Variants in ZBTB46 observed in about 807,000 individuals in gnomAD.
ZBTB46 encodes the protein zinc finger and BTB domain-containing protein 46.
ZBTB46 carries 8 observed loss-of-function variants against 44.1 expected under a neutral mutation model. That is an observed-to-expected ratio of 0.18 (90% CI 0.11 to 0.33). ZBTB46 has a LOEUF of 0.33. Among genes scored for constraint, ZBTB46 ranks in the 10% least tolerant of loss-of-function variants. The probability of loss-of-function intolerance (pLI) is 1.00; values close to 1 mark genes in which losing one functional copy is unlikely to be tolerated. For missense variants in ZBTB46, 651 were observed against 847.7 expected (o/e 0.77, Z 2.88); for synonymous variants, 409 against 382.3 (o/e 1.07, Z -0.81).
rs757028105 is a variant in ZBTB46, at chr20:63,746,938, G to A, written c.1762C>T (p.Leu588Phe). 124 of 1,552,192 alleles carry A rather than the reference G, an allele frequency of 8.0e-5. No individual in the cohort carries two copies. Among genetic ancestry groups the A allele is most frequent in the Admixed American group, 3.6e-4 (19 of 53,042 alleles). Residue 588 changes from leucine to phenylalanine, a missense_variant, in exon 5 of 5, where the codon CTC becomes TTC. Leu to Phe is a conservative substitution (Grantham distance 22, BLOSUM62 0). Coordinates refer to ENST00000245663, the MANE Select transcript of ZBTB46 (RefSeq NM_001369741.1). ...PGGPDKDFAW[L>F]S ...CCTGCCGGCGGGCGGGCCTAGGAGA[G>A]CCAGGCGAAGTCCTTGTCAGGGCCT...
Position 63,767,915 on chromosome 20 carries a change from T to C in ZBTB46, c.1222+7763A>G. On this transcript the variant is annotated intron_variant, in intron 3 of 4. Coordinates refer to ENST00000245663, the MANE Select transcript of ZBTB46 (RefSeq NM_001369741.1). The surrounding 1 kb of genome is among the most constrained non-coding windows in gnomAD (Gnocchi z 5.0). ...CAGGCCCTGCAGAAACCCACCCTCA[T>C]GCCAGCGGGAGCCAACTCTGGAAGA... 2.0e-6 allele frequency: 2 copies of C among 985,450 alleles called. No homozygotes were observed. Among genetic ancestry groups the C allele is most frequent in the Non-Finnish European group, 2.4e-6 (2 of 829,932 alleles). The allele number at this position is 985,450 out of a possible 1,614,324, so 61.0% of individuals were successfully genotyped here. A position where few individuals can be genotyped will look rare whatever the true frequency, so the allele number is the denominator to read the frequency against.
In ZBTB46 at chr20:63,755,200, G is replaced by T. The variant is rs6011082; in HGVS notation, c.1223-2339C>A. Among the ~76,000 whole-genome samples, 852 of 152,306 alleles carry T rather than the reference G, an allele frequency of 5.6e-3. 10 individuals are homozygous for T. The highest frequency in any genetic ancestry group is 0.019 in the African/African-American group (797 of 41,564). ...CTGAAGCTGCCTGCGATGCACTTCG[G>T]CTTCTTCTTAATGCTCTGTTTTCCG... On this transcript the variant is annotated intron_variant, in intron 3 of 4. Transcript: ENST00000245663.
intron 1 of ZBTB46, among the ~76,000 whole-genome samples, chr20:63,797,431 T>C (rs2092612256): frequency 6.6e-6 from 1 of 152,186 alleles, no homozygotes; most frequent in Non-Finnish European, 1.5e-5. Context: ...GTTCCAAGTC[T>C]TTACTATCGT....
intron 2 of ZBTB46, among the ~76,000 whole-genome samples, chr20:63,780,622 G>C (rs968445723): frequency 6.6e-6 from 1 of 152,086 alleles, no homozygotes; most frequent in Middle Eastern, 3.4e-3. Context: ...CTAACATGGT[G>C]AAACCCCGTC....
intron 1 of ZBTB46, among the ~76,000 whole-genome samples, chr20:63,828,303 T>A (rs1416278530): frequency 6.6e-6 from 1 of 152,222 alleles, no homozygotes; most frequent in East Asian, 1.9e-4. Context: ...AGTTCACAGC[T>A]ACGCCGCAGC....
chr20:63,790,072 T>C lies in ZBTB46; in HGVS notation c.686A>G (p.Lys229Arg), dbSNP rs1435640442. Residue 229 changes from lysine to arginine, a missense_variant, in exon 2 of 5, where the codon AAG becomes AGG. Transcript: ENST00000245663. ...CTGAGACGGTGAAACCTGCTCTTCC[T>C]TGATGCGCAGAGGCCCGTAGCCCAC... The part of the protein sequence containing the change: ...GDVGYGPLRI[K>R]EEQVSPSQYG... The C allele has an allele frequency of 2.5e-6, 4 of 1,613,934 alleles. No individual in the cohort carries two copies. The highest frequency in any genetic ancestry group is 3.3e-5 in the Admixed American group (2 of 60,002).
At chr20:63,760,475 T>C (rs955383776) in intron 3 of ZBTB46, among the ~76,000 whole-genome samples, 4 of 152,170 alleles carry the variant, frequency 2.6e-5, no homozygotes, top group Non-Finnish European at 5.9e-5. Flanking sequence ...GTTTTTGTTT[T>C]TTTTTTTTGA....
chr20:63,775,039 C>G (rs991606344), intron 3 of ZBTB46, among the ~76,000 whole-genome samples: 5 of 152,154 alleles, frequency 3.3e-5, no homozygotes, highest in Non-Finnish European at 7.4e-5. Context: ...TGAATGCCCC[C>G]GTCTTGTCAG....
Position 63,782,096 on chromosome 20 carries a change from A to AAGAAAAGAAAAG in ZBTB46, c.938-6135_938-6134insCTTTTCTTTTCT, listed in dbSNP as rs1555845695. On this transcript the variant is annotated intron_variant, in intron 2 of 4. Coordinates refer to ENST00000245663, the MANE Select transcript of ZBTB46 (RefSeq NM_001369741.1). ...AGCAAGACTCCGTCTCAAAAAAAAAAAAAAGAAAAGAGGCGTGGCGATTTT... is the reference window on the plus strand; with the variant it reads ...AGCAAGACTCCGTCTCAAAAAAAAAAAGAAAAGAAAAGAAAAGAAAAGAGGCGTGGCGATTTT... Among the ~76,000 whole-genome samples, 15 of 124,924 alleles carry AAGAAAAGAAAAG rather than the reference A, an allele frequency of 1.2e-4. 1 individual carries two copies. Among genetic ancestry groups the AAGAAAAGAAAAG allele is most frequent in the African/African-American group, 4.4e-4 (15 of 34,244 alleles). 82.0% of individuals were successfully genotyped at this position (124,924 alleles called of 152,430 possible). A position where few individuals can be genotyped will look rare whatever the true frequency, so the allele number is the denominator to read the frequency against.
intron 2 of ZBTB46, among the ~76,000 whole-genome samples, chr20:63,786,358 G>A (rs1365565168): frequency 6.6e-6 from 1 of 152,160 alleles, no homozygotes; most frequent in Non-Finnish European, 1.5e-5. Flanking sequence ...ACCAACGGGG[G>A]ATCCAAAGGC....
intron 1 of ZBTB46, among the ~76,000 whole-genome samples, chr20:63,830,151 C>G (rs1394446982): frequency 6.6e-6 from 1 of 152,198 alleles, no homozygotes; most frequent in Non-Finnish European, 1.5e-5. Context: ...TGGTCTGTAC[C>G]CTGGCTCCTC....
In ZBTB46 at chr20:63,743,687, A is replaced by C. The variant is rs2092058333; in HGVS notation, c.*3243T>G. The C allele has an allele frequency of 6.6e-6, 1 of 152,370 alleles. No homozygotes were observed. The highest frequency in any genetic ancestry group is 6.5e-5 in the Admixed American group (1 of 15,284). 9.4% of individuals were successfully genotyped at this position (152,370 alleles called of 1,614,324 possible). ...GCATCTGCTGGAGCAGCAATTTCCC[A>C]ATTTATTGAAAGTGATCGCTTTGCA... is the stretch of plus-strand genomic sequence containing the variant. On this transcript the variant is annotated 3_prime_UTR_variant, in exon 5 of 5. Coordinates refer to ENST00000245663, the MANE Select transcript of ZBTB46 (RefSeq NM_001369741.1).
intron 3 of ZBTB46, among the ~76,000 whole-genome samples, chr20:63,761,602 T>C (rs2092277993): frequency 1.3e-5 from 2 of 151,944 alleles, no homozygotes; most frequent in South Asian, 2.1e-4. Context: ...GCCAATATAG[T>C]GGAACTCTGT....
chr20:63,753,420 C>T (rs1326806235), intron 3 of ZBTB46, among the ~76,000 whole-genome samples: 2 of 152,248 alleles, frequency 1.3e-5, no homozygotes, highest in Admixed American at 1.3e-4. Flanking sequence ...AAGTTCTTTT[C>T]CCCCAACCCT....
upstream of ZBTB46, among the ~76,000 whole-genome samples, chr20:63,832,432 C>T (rs2092856825): frequency 6.6e-6 from 1 of 152,202 alleles, no homozygotes. The surrounding 1 kb of genome is among the most constrained non-coding windows in gnomAD (Gnocchi z 5.0). Context: ...TGCCTCCCTG[C>T]GGGCCCAGCG....
At chr20:63,816,401 C>G (rs1601533520) in intron 1 of ZBTB46, 1 of 167,154 alleles carries the variant, frequency 6.0e-6, no homozygotes, top group Non-Finnish European at 1.3e-5. Flanking sequence ...CTGCATAACC[C>G]AGCAAAGCAA....
chr20:63,765,061 GTATGTGCATGTGTGCGTGTGCA>G (rs1568841807), intron 3 of ZBTB46, among the ~76,000 whole-genome samples: 2 of 128,006 alleles, frequency 1.6e-5, no homozygotes, highest in African/African-American at 6.8e-5. Context: ...GTGTATGTTT[GTATGTGCATGTGTGCGTGTGCA>G]TGTGTGCATG....
chr20:63,786,731 C>T (rs1003366895), intron 2 of ZBTB46, among the ~76,000 whole-genome samples: 36 of 152,132 alleles, frequency 2.4e-4, no homozygotes, highest in Admixed American at 1.2e-3. Flanking sequence ...ACGATGGTCT[C>T]GATCTCCTGA....
At chr20:63,763,610 G>A (rs375135184) in intron 3 of ZBTB46, among the ~76,000 whole-genome samples, 42 of 152,126 alleles carry the variant, frequency 2.8e-4, no homozygotes, top group Non-Finnish European at 5.0e-4. Context: ...TAAGGGGAGG[G>A]AGCTAAATCA....
Sources: allele counts gnomAD v4.1 joint callset (sites outside exome capture counted in the v4.1 genomes callset), GRCh38; gene constraint gnomAD v4.1.1; non-coding constraint Gnocchi (gnomAD v3.1); transcripts MANE v1.5; gene names NCBI Gene and HGNC (gene_info 2026-07-23, HGNC 2026-07-21).